The following PRKCE variants were observed in gnomAD, a reference collection of about 807,000 sequenced individuals.
PRKCE encodes the protein protein kinase C epsilon, also known as protein kinase C epsilon type.
PRKCE carries 16 observed loss-of-function variants against 85.4 expected under a neutral mutation model. The observed-to-expected ratio is 0.19, with a 90% confidence interval of 0.13 to 0.28. PRKCE has a LOEUF of 0.28. PRKCE is among the 10% of genes least tolerant of loss of function. PRKCE has a pLI of 1.00. For missense variants in PRKCE, 573 were observed against 975.2 expected, an observed-to-expected ratio of 0.59 and a Z score of 5.49; for synonymous variants, 388 against 371.5, an observed-to-expected ratio of 1.04 and a Z score of -0.51.
chr2:45,872,886 A>G (rs1470357971), intron 2 of PRKCE, among the ~76,000 whole-genome samples: 1 of 152,186 alleles, frequency 6.6e-6, no homozygotes, highest in Non-Finnish European at 1.5e-5. Context: ...AAATTGAGTC[A>G]TGGGTATGCA....
At chr2:45,886,638 G>C (rs1233409106) in intron 2 of PRKCE, among the ~76,000 whole-genome samples, 1 of 152,194 alleles carries the variant, frequency 6.6e-6, no homozygotes, top group East Asian at 1.9e-4. Context: ...AATGAGTCTT[G>C]ACAATGCTGA....
chr2:46,082,341 C>T (rs745793318), intron 10 of PRKCE, among the ~76,000 whole-genome samples: 2 of 151,960 alleles, frequency 1.3e-5, no homozygotes, highest in Non-Finnish European at 2.9e-5. Flanking sequence ...TGCAAAGATA[C>T]GATAAGTAAA....
chr2:45,800,111 G>T (rs1687739940), intron 1 of PRKCE, among the ~76,000 whole-genome samples: 1 of 152,220 alleles, frequency 6.6e-6, no homozygotes, highest in South Asian at 2.1e-4. Flanking sequence ...TGAAAATATA[G>T]TTGCAGGGTA....
chr2:46,022,942 G>T (rs1706792859), intron 10 of PRKCE, among the ~76,000 whole-genome samples: 1 of 151,780 alleles, frequency 6.6e-6, no homozygotes, highest in East Asian at 1.9e-4. Context: ...AATTAGCCGG[G>T]CGCGGTGGCG....
chr2:45,799,418 T>A (rs1415085619), intron 1 of PRKCE, among the ~76,000 whole-genome samples: 4 of 152,124 alleles, frequency 2.6e-5, no homozygotes, highest in Non-Finnish European at 5.9e-5. Flanking sequence ...TCAGGTTTGG[T>A]GGCATGTGCC....
intron 1 of PRKCE, among the ~76,000 whole-genome samples, chr2:45,733,336 G>T (rs1681752090): frequency 6.6e-6 from 1 of 152,194 alleles, no homozygotes; most frequent in Non-Finnish European, 1.5e-5. Context: ...TGCCTGTTGT[G>T]AGCCAGGCAT....
intron 11 of PRKCE, among the ~76,000 whole-genome samples, chr2:46,093,055 C>A (rs902645159): frequency 6.6e-6 from 1 of 152,166 alleles, no homozygotes; most frequent in Non-Finnish European, 1.5e-5. Flanking sequence ...ACTGAGGGTA[C>A]TTGGGGATCG....
intron 1 of PRKCE, among the ~76,000 whole-genome samples, chr2:45,726,398 A>C (rs1020322169): frequency 1.3e-5 from 2 of 152,214 alleles, no homozygotes; most frequent in African/African-American, 4.8e-5. Flanking sequence ...CCTGACCTTC[A>C]GCAATCACTA....
intron 6 of PRKCE, among the ~76,000 whole-genome samples, chr2:45,986,319 G>T (rs1703319722): frequency 6.6e-6 from 1 of 152,144 alleles, no homozygotes; most frequent in East Asian, 1.9e-4. Flanking sequence ...AGAGGGAGAT[G>T]TTTTTTCAGA....
chr2:45,813,837 C>T (rs1688825900), intron 1 of PRKCE, among the ~76,000 whole-genome samples: 1 of 152,208 alleles, frequency 6.6e-6, no homozygotes, highest in South Asian at 2.1e-4. Context: ...CAACACAGCC[C>T]ACAGGGCATG....
At chr2:45,947,552 A>G (rs915337737) in intron 2 of PRKCE, among the ~76,000 whole-genome samples, 34 of 152,350 alleles carry the variant, frequency 2.2e-4, no homozygotes, top group African/African-American at 7.7e-4. Context: ...AAATAATACT[A>G]AAATAACCTA....
chr2:46,162,359 CCT>C (rs1677863122), intron 14 of PRKCE, among the ~76,000 whole-genome samples: 1 of 152,254 alleles, frequency 6.6e-6, no homozygotes, highest in South Asian at 2.1e-4. Context: ...CTTATCACCC[CCT>C]GAGAGGATGG....
intron 14 of PRKCE, among the ~76,000 whole-genome samples, chr2:46,183,014 C>T (rs535729501): frequency 1.3e-5 from 2 of 152,330 alleles, no homozygotes; most frequent in South Asian, 4.1e-4. Context: ...ACAAACCTCT[C>T]TGAGCCAGTT....
At chr2:46,030,509 C>T (rs921861736) in intron 10 of PRKCE, among the ~76,000 whole-genome samples, 2 of 152,234 alleles carry the variant, frequency 1.3e-5, no homozygotes, top group Middle Eastern at 6.8e-3. Flanking sequence ...AATCATGTGG[C>T]TGTTCCACCA....
At chr2:45,668,979 A>T (rs1476665474) in intron 1 of PRKCE, among the ~76,000 whole-genome samples, 1 of 152,132 alleles carries the variant, frequency 6.6e-6, no homozygotes, top group Non-Finnish European at 1.5e-5. Flanking sequence ...TGATCACACT[A>T]AGCAACATTT....
At chr2:45,983,364 C>A (rs1703045780) in intron 5 of PRKCE, among the ~76,000 whole-genome samples, 1 of 152,126 alleles carries the variant, frequency 6.6e-6, no homozygotes, top group East Asian at 1.9e-4. Context: ...CTTCCTAATC[C>A]CCGGGGTAGC....
At chr2:45,707,779 G>A (rs189140666) in intron 1 of PRKCE, among the ~76,000 whole-genome samples, 4 of 152,336 alleles carry the variant, frequency 2.6e-5, no homozygotes, top group Admixed American at 1.3e-4. Flanking sequence ...CCACACAGAC[G>A]AGCTGAGAGT....
chr2:46,104,179 G>T (rs562685641), intron 11 of PRKCE, among the ~76,000 whole-genome samples: 2 of 152,040 alleles, frequency 1.3e-5, no homozygotes, highest in African/African-American at 2.4e-5. Flanking sequence ...TCATCATCTG[G>T]CATTGCTTTG....
intron 2 of PRKCE, among the ~76,000 whole-genome samples, chr2:45,919,641 T>G (rs1698103412): frequency 6.6e-6 from 1 of 152,246 alleles, no homozygotes; most frequent in African/African-American, 2.4e-5. Context: ...CAAAGGCCTC[T>G]GAAGAGGACA....
Sources: allele counts gnomAD v4.1 joint callset (sites outside exome capture counted in the v4.1 genomes callset), GRCh38; gene constraint gnomAD v4.1.1; transcripts MANE v1.5; gene names NCBI Gene and HGNC (gene_info 2026-07-23, HGNC 2026-07-21).